Variants in MAPKAP1 observed in about 807,000 individuals in gnomAD.
The protein encoded by MAPKAP1 is MAPK associated protein 1, also known as target of rapamycin complex 2 subunit MAPKAP1.
In MAPKAP1, 20 loss-of-function variants were observed where a neutral mutation model predicts 65.7. The ratio of observed to expected loss-of-function variants is 0.30; its 90% CI spans 0.21 to 0.44. The LOEUF is 0.44. MAPKAP1 is among the 20% of genes least tolerant of loss of function. MAPKAP1 has a pLI of 1.00. For synonymous variants in MAPKAP1, 222 were observed against 244.3 expected, an observed-to-expected ratio of 0.91 and a Z score of 0.85; for missense variants, 423 against 648.0, an observed-to-expected ratio of 0.65 and a Z score of 3.77.
chr9:125,578,471 T>C (rs1468118704), intron 5 of MAPKAP1, among the ~76,000 whole-genome samples: 1 of 151,798 alleles, frequency 6.6e-6, no homozygotes, highest in Non-Finnish European at 1.5e-5. Flanking sequence ...AAAAAGATAG[T>C]TCTTATGAAA....
Position 125,652,367 on chromosome 9 carries a change from C to T in MAPKAP1, c.498+5284G>A, listed in dbSNP as rs909381155. 4.3e-6 allele frequency: 3 copies of T among 690,600 alleles called. No individual in the cohort carries two copies. The African/African-American group carries it at 5.8e-5, about 13-fold the overall frequency. 42.8% of individuals were successfully genotyped at this position (690,600 alleles called of 1,614,324 possible). A position where few individuals can be genotyped will look rare whatever the true frequency, so the allele number is the denominator to read the frequency against. ...TTGCCACAGCATTCATATTAATTTT[C>T]ACTTCAGGCTCGACATTGTGGAATA... is the stretch of plus-strand genomic sequence containing the variant. On this transcript the variant is annotated intron_variant, in intron 4 of 11. Coordinates refer to ENST00000265960, the MANE Select transcript of MAPKAP1 (RefSeq NM_001006617.3).
At chr9:125,698,288 A>AAATATATAT (rs1256292184) in intron 1 of MAPKAP1, among the ~76,000 whole-genome samples, 1 of 49,070 alleles carries the variant, frequency 2.0e-5, no homozygotes, top group African/African-American at 1.1e-4. Flanking sequence ...AATATATATA[A>AAATATATAT]ATATATATAT....
At position 125,668,607 on chromosome 9, in the gene MAPKAP1, A is replaced by G. The variant is rs191220290; in HGVS notation, c.349+1211T>C. Among the ~76,000 whole-genome samples, 3 of 152,290 alleles carry G rather than the reference A, an allele frequency of 2.0e-5. No individual in the cohort carries two copies. The East Asian group carries it at 5.8e-4, about 29-fold the overall frequency. ...AGGAAACATGATATAACCACTATAA[A>G]ATATTTTAATAGCATTTTATTTCTG... On this transcript the variant is annotated intron_variant, in intron 3 of 11. Transcript: ENST00000265960.
intron 4 of MAPKAP1, among the ~76,000 whole-genome samples, chr9:125,624,016 C>CT (rs1833003723): frequency 2.7e-5 from 1 of 37,528 alleles, no homozygotes; most frequent in Non-Finnish European, 7.0e-5. Context: ...CCAGCCGCCC[C>CT]GTCTGGGAGG....
At chr9:125,528,690 T>C (rs554867892) in intron 7 of MAPKAP1, among the ~76,000 whole-genome samples, 2 of 142,560 alleles carry the variant, frequency 1.4e-5, no homozygotes, top group Admixed American at 1.4e-4. Context: ...CTACTAAAAA[T>C]ACAAAAATTA....
chr9:125,459,887 G>A (rs1024267184), intron 10 of MAPKAP1, among the ~76,000 whole-genome samples: 2 of 138,600 alleles, frequency 1.4e-5, no homozygotes, highest in African/African-American at 5.3e-5. Flanking sequence ...CGCATATGGA[G>A]TCTTATAAGC....
At chr9:125,568,047 G>A (rs1285459787) in intron 5 of MAPKAP1, 2 of 152,194 alleles carry the variant, frequency 1.3e-5, no homozygotes, top group African/African-American at 4.8e-5. Context: ...ATGAGACTGG[G>A]GTAGAGGCCC....
chr9:125,591,797 T>TAACTTATTTA (rs1273266215), intron 4 of MAPKAP1, among the ~76,000 whole-genome samples: 1 of 152,016 alleles, frequency 6.6e-6, no homozygotes, highest in Non-Finnish European at 1.5e-5. Context: ...AGAAAGTAAT[T>TAACTTATTTA]AACTTATTTA....
At chr9:125,505,206 C>T (rs1201998953) in intron 8 of MAPKAP1, among the ~76,000 whole-genome samples, 1 of 152,072 alleles carries the variant, frequency 6.6e-6, no homozygotes, top group East Asian at 1.9e-4. Context: ...CTGAGGCGGG[C>T]GGATCACCAC....
chr9:125,637,957 G>A (rs1833473661), intron 4 of MAPKAP1, among the ~76,000 whole-genome samples: 1 of 152,140 alleles, frequency 6.6e-6, no homozygotes, highest in Non-Finnish European at 1.5e-5. Context: ...GTTTTTGGTA[G>A]AGACGGGTTT....
chr9:125,675,677 A>G (rs1371701180), intron 1 of MAPKAP1, among the ~76,000 whole-genome samples: 2 of 152,224 alleles, frequency 1.3e-5, no homozygotes, highest in African/African-American at 4.8e-5. Flanking sequence ...GACTTAGACT[A>G]TAAGTTCCAC....
chr9:125,583,700 GTTAC>G (rs1298552363), intron 5 of MAPKAP1, among the ~76,000 whole-genome samples: 2 of 152,144 alleles, frequency 1.3e-5, no homozygotes, highest in African/African-American at 4.8e-5. Context: ...TCCTATCTCT[GTTAC>G]TTACTAGTAA....
intron 8 of MAPKAP1, among the ~76,000 whole-genome samples, chr9:125,499,031 T>C (rs1390994234): frequency 6.6e-6 from 1 of 152,230 alleles, no homozygotes; most frequent in Non-Finnish European, 1.5e-5. Flanking sequence ...TGTATGATTA[T>C]TAGAGCTTAC....
chr9:125,473,260 AC>A (rs1853990518), intron 9 of MAPKAP1, among the ~76,000 whole-genome samples: 1 of 152,080 alleles, frequency 6.6e-6, no homozygotes, highest in Non-Finnish European at 1.5e-5. Context: ...AGAAAAGAGC[AC>A]GGGGGCTGGC....
At chr9:125,550,918 C>G (rs527429695) in intron 6 of MAPKAP1, among the ~76,000 whole-genome samples, 6 of 152,322 alleles carry the variant, frequency 3.9e-5, no homozygotes, top group African/African-American at 1.4e-4. Context: ...ACAAAGAACA[C>G]AAGCATCTTC....
At chr9:125,643,271 T>C (rs1004573486) in intron 4 of MAPKAP1, among the ~76,000 whole-genome samples, 1 of 151,928 alleles carries the variant, frequency 6.6e-6, no homozygotes, top group Non-Finnish European at 1.5e-5. Context: ...CTTGGCTTAC[T>C]GCAAACTCTG....
At chr9:125,440,336 T>C (rs565360975) in intron 11 of MAPKAP1, among the ~76,000 whole-genome samples, 2 of 152,272 alleles carry the variant, frequency 1.3e-5, no homozygotes, top group East Asian at 3.9e-4. Context: ...AGCTAGAAGG[T>C]GTCAGGCGCT....
At chr9:125,580,138 A>G (rs1287047093) in intron 5 of MAPKAP1, among the ~76,000 whole-genome samples, 1 of 152,214 alleles carries the variant, frequency 6.6e-6, no homozygotes, top group African/African-American at 2.4e-5. Context: ...CGATTTCTCA[A>G]GGATCTAGAA....
At chr9:125,619,142 A>G (rs910287442) in intron 4 of MAPKAP1, among the ~76,000 whole-genome samples, 4 of 152,152 alleles carry the variant, frequency 2.6e-5, no homozygotes, top group African/African-American at 9.7e-5. Context: ...CAAAAACACA[A>G]AAACAAAAAA....
Sources: allele counts gnomAD v4.1 joint callset (sites outside exome capture counted in the v4.1 genomes callset), GRCh38; gene constraint gnomAD v4.1.1; transcripts MANE v1.5; gene names NCBI Gene and HGNC (gene_info 2026-07-23, HGNC 2026-07-21).